The following SDR16C5 variants were observed in gnomAD, a reference collection of about 807,000 sequenced individuals.
SDR16C5 encodes epidermal retinol dehydrogenase 2.
A neutral mutation model predicts 27.7 loss-of-function variants in SDR16C5; 20 were observed. The observed-to-expected ratio is 0.72, with a 90% CI of 0.51 to 1.05. The LOEUF (loss-of-function observed/expected upper bound fraction) is 1.05, where lower values mean the gene tolerates loss of function less well. Among genes scored for constraint, SDR16C5 ranks in the 50% least tolerant of loss-of-function variants. The pLI is 0.00. For synonymous variants in SDR16C5, 139 were observed against 132.3 expected (o/e 1.05, Z -0.35); for missense variants, 374 against 366.3 (o/e 1.02, Z -0.17).
In SDR16C5 at chr8:56,301,240, A is replaced by G; in HGVS notation, c.*240T>C. ...CATCTGTGGTAATGGAAATGACAAA[A>G]ATGGGCTGTCTTTATTTTTGGAAAA... is the stretch of plus-strand genomic sequence containing the variant. On this transcript the variant is annotated 3_prime_UTR_variant, in exon 7 of 7. Coordinates refer to ENST00000303749, the MANE Select transcript of SDR16C5 (RefSeq NM_138969.4). The G allele has an allele frequency of 2.4e-6, 1 of 408,658 alleles. No homozygotes were observed. 25.3% of individuals were successfully genotyped at this position (408,658 alleles called of 1,614,324 possible).
At chr8:56,317,691 A>G (rs1019379465) in intron 1 of SDR16C5, among the ~76,000 whole-genome samples, 3 of 152,238 alleles carry the variant, frequency 2.0e-5, no homozygotes, top group African/African-American at 7.2e-5. Context: ...TCACACCCTT[A>G]GGAAATGTCG....
intron 1 of SDR16C5, among the ~76,000 whole-genome samples, chr8:56,319,574 C>A (rs1330417512): frequency 6.6e-6 from 1 of 152,184 alleles, no homozygotes; most frequent in African/African-American, 2.4e-5. Context: ...GCTTCCCATA[C>A]CAGTGCGCGG....
At chr8:56,313,673 T>C (rs773786628) in intron 2 of SDR16C5, among the ~76,000 whole-genome samples, 2 of 152,190 alleles carry the variant, frequency 1.3e-5, no homozygotes, top group Non-Finnish European at 2.9e-5. Flanking sequence ...CAAAATGTCA[T>C]TATATGGTGC....
rs1814747885 is a variant in SDR16C5, at chr8:56,301,314, A to G, written c.*166T>C. On this transcript the variant is annotated 3_prime_UTR_variant, in exon 7 of 7. Transcript: ENST00000303749. ...ACTCAACCAAATAGGTGATAGCAAC[A>G]TTATTTTCAAACACATTGATTGAAA... is the stretch of plus-strand genomic sequence containing the variant. The G allele has an allele frequency of 1.7e-6, 1 of 575,344 alleles. No homozygotes were observed. Among genetic ancestry groups the G allele is most frequent in the African/African-American group, 1.9e-5 (1 of 53,982 alleles). The allele number at this position is 575,344 out of a possible 1,614,324, so 35.6% of individuals were successfully genotyped here.
intron 3 of SDR16C5, 57 bp from the exon 4 acceptor site, chr8:56,309,084 G>C: frequency 1.5e-6 from 2 of 1,322,656 alleles, no homozygotes; most frequent in Non-Finnish European, 2.1e-6. Flanking sequence ...AATTTTCTCA[G>C]ATATTTATAT....
At chr8:56,312,922 G>T (rs1327016818) in intron 2 of SDR16C5, among the ~76,000 whole-genome samples, 1 of 151,706 alleles carries the variant, frequency 6.6e-6, no homozygotes, top group East Asian at 2.0e-4. Flanking sequence ...GACTACAGGT[G>T]CCCACCACCA....
chr8:56,316,375 C>A lies in SDR16C5; in HGVS notation c.-14-14G>T. 1.3e-6 allele frequency: 2 copies of A among 1,509,592 alleles called. No homozygotes were observed. Among genetic ancestry groups the A allele is most frequent in the Admixed American group, 1.7e-5 (1 of 59,490 alleles). The allele number at this position is 1,509,592 out of a possible 1,614,324, so 93.5% of individuals were successfully genotyped here. ...TCTGGCTGACACCTGTGAAGAAAGACAGATTCACATGAAGACTTATTTGTC... is the reference window on the plus strand; with the variant it reads ...TCTGGCTGACACCTGTGAAGAAAGAAAGATTCACATGAAGACTTATTTGTC... On this transcript the variant is annotated splice_polypyrimidine_tract_variant and intron_variant, in intron 1 of 6. Coordinates refer to ENST00000303749, the MANE Select transcript of SDR16C5 (RefSeq NM_138969.4).
chr8:56,315,288 T>C (rs1312238574), intron 2 of SDR16C5, among the ~76,000 whole-genome samples: 1 of 151,434 alleles, frequency 6.6e-6, no homozygotes, highest in African/African-American at 2.4e-5. Flanking sequence ...GGCACGTGCC[T>C]CTATGATGGT....
chr8:56,306,092 C>T (rs972738569), intron 5 of SDR16C5, among the ~76,000 whole-genome samples: 1 of 152,088 alleles, frequency 6.6e-6, no homozygotes, highest in African/African-American at 2.4e-5. Flanking sequence ...ATTTGTGTCC[C>T]CCCAAAAATT....
intron 1 of SDR16C5, among the ~76,000 whole-genome samples, chr8:56,319,584 G>A (rs1053179179): frequency 6.6e-6 from 1 of 152,190 alleles, no homozygotes; most frequent in African/African-American, 2.4e-5. Context: ...CCAGTGCGCG[G>A]CAGCAAGTCG....
At chr8:56,312,648 T>C (rs1815077158) in intron 2 of SDR16C5, among the ~76,000 whole-genome samples, 1 of 151,964 alleles carries the variant, frequency 6.6e-6, no homozygotes, top group Non-Finnish European at 1.5e-5. Context: ...GAGGTTGTAG[T>C]GAGCCAAGAT....
In SDR16C5 at chr8:56,300,075, T is replaced by A. The variant is rs1378393037; in HGVS notation, c.*1405A>T. 6.6e-6 allele frequency: 1 copy of A among 152,204 alleles called. No homozygotes were observed. The highest frequency in any genetic ancestry group is 6.5e-5 in the Admixed American group (1 of 15,274). The allele number at this position is 152,204 out of a possible 1,614,324, so 9.4% of individuals were successfully genotyped here. On this transcript the variant is annotated 3_prime_UTR_variant, in exon 7 of 7. Transcript: ENST00000303749. Reference sequence around the variant, plus strand: ...CCTTCATCATTCTTTGAGTAATGATTGACAGTCTCGTTTAATGAAATAATG... The same window carrying A: ...CCTTCATCATTCTTTGAGTAATGATAGACAGTCTCGTTTAATGAAATAATG...
chr8:56,309,032 GA>G lies in SDR16C5; in HGVS notation c.466-6del, dbSNP rs1563440530. The G allele has an allele frequency of 6.3e-7, 1 of 1,577,828 alleles. No homozygotes were observed. Among genetic ancestry groups the G allele is most frequent in the Non-Finnish European group, 8.6e-7 (1 of 1,159,124 alleles). On this transcript the variant is annotated splice_region_variant and splice_polypyrimidine_tract_variant and intron_variant, in intron 3 of 6. Coordinates refer to ENST00000303749, the MANE Select transcript of SDR16C5 (RefSeq NM_138969.4). ...AGGTAGAAAGGCTTTATAAGTCTAA[GA>G]ATACAAAGGAAAACTTTTAATGTTT...
intron 2 of SDR16C5, 43 bp downstream of exon 2, chr8:56,315,972 T>C (rs2129261793): frequency 7.5e-7 from 1 of 1,328,672 alleles, no homozygotes; most frequent in Middle Eastern, 1.9e-4. Context: ...TGAAAAAGAG[T>C]GTGATGTGTA....
At chr8:56,306,094 C>G (rs1814875017) in intron 5 of SDR16C5, among the ~76,000 whole-genome samples, 2 of 152,142 alleles carry the variant, frequency 1.3e-5, no homozygotes. Context: ...TTGTGTCCCC[C>G]CAAAAATTCA....
chr8:56,303,231 T>C (rs1261419013), intron 6 of SDR16C5, among the ~76,000 whole-genome samples: 1 of 151,220 alleles, frequency 6.6e-6, no homozygotes, highest in Non-Finnish European at 1.5e-5. Flanking sequence ...GGAGAATCAC[T>C]TGAACCAGGG....
At chr8:56,316,385 T>C (rs550831954) in intron 1 of SDR16C5, 24 bp from the exon 2 acceptor site, 16 of 1,447,118 alleles carry the variant, frequency 1.1e-5, no homozygotes, top group Non-Finnish European at 1.6e-5. Context: ...CAGATTCACA[T>C]GAAGACTTAT....
chr8:56,314,358 T>A (rs746096570), intron 2 of SDR16C5, among the ~76,000 whole-genome samples: 1 of 152,132 alleles, frequency 6.6e-6, no homozygotes, highest in Non-Finnish European at 1.5e-5. Context: ...ACCTGAATAA[T>A]AAGCTAGTAA....
chr8:56,302,211 T>C (rs1051349601), intron 6 of SDR16C5, among the ~76,000 whole-genome samples: 3 of 152,194 alleles, frequency 2.0e-5, no homozygotes, highest in African/African-American at 7.2e-5. Flanking sequence ...ACGGGAAACC[T>C]GAGACTCATC....
Sources: gnomAD v4.1 joint callset for allele counts (sites outside exome capture counted in the v4.1 genomes callset) on GRCh38, gnomAD v4.1.1 for gene constraint, MANE v1.5 for transcripts, NCBI Gene and HGNC (gene_info 2026-07-23, HGNC 2026-07-21) for gene names.